Variants in OSBPL8 observed in about 807,000 individuals in gnomAD.
The protein encoded by OSBPL8 is oxysterol binding protein like 8, also known as oxysterol-binding protein-related protein 8.
A neutral mutation model predicts 125.5 loss-of-function variants in OSBPL8; 59 were observed. That is an observed-to-expected ratio of 0.47 (90% CI 0.38 to 0.58). The LOEUF is 0.58. OSBPL8 is among the 20% of genes least tolerant of loss of function. The pLI is 0.00. For synonymous variants in OSBPL8, 330 were observed against 338.9 expected, an observed-to-expected ratio of 0.97 and a Z score of 0.29; for missense variants, 758 against 1,047.8, an observed-to-expected ratio of 0.72 and a Z score of 3.82.
At chr12:76,417,103 C>T (rs1398964213) in intron 4 of OSBPL8, among the ~76,000 whole-genome samples, 1 of 152,206 alleles carries the variant, frequency 6.6e-6, no homozygotes, top group Non-Finnish European at 1.5e-5. Context: ...TTCTTAACTC[C>T]AAAAGACATT....
At chr12:76,544,762 T>C (rs1950738649) in intron 1 of OSBPL8, among the ~76,000 whole-genome samples, 1 of 151,480 alleles carries the variant, frequency 6.6e-6, no homozygotes, top group African/African-American at 2.4e-5. Context: ...AGCTATAGAG[T>C]GAAATAGGCG....
intron 2 of OSBPL8, among the ~76,000 whole-genome samples, chr12:76,462,507 T>C (rs1463605657): frequency 5.9e-5 from 9 of 152,202 alleles, no homozygotes; most frequent in Admixed American, 5.9e-4. Flanking sequence ...ACTTAGTAAC[T>C]ACTGCTGACA....
chr12:76,544,629 G>C (rs1950734882), intron 1 of OSBPL8, among the ~76,000 whole-genome samples: 1 of 152,052 alleles, frequency 6.6e-6, no homozygotes, highest in Non-Finnish European at 1.5e-5. Context: ...ATGCTATAAA[G>C]CAAAAGCACA....
At chr12:76,502,899 T>G (rs1378890126) in intron 1 of OSBPL8, among the ~76,000 whole-genome samples, 1 of 152,270 alleles carries the variant, frequency 6.6e-6, no homozygotes, top group Non-Finnish European at 1.5e-5. Context: ...TACAGTTGTG[T>G]ATCAAATATC....
intron 4 of OSBPL8, among the ~76,000 whole-genome samples, chr12:76,433,858 C>T (rs989018771): frequency 1.3e-5 from 2 of 151,350 alleles, no homozygotes; most frequent in Non-Finnish European, 2.9e-5. Flanking sequence ...CACCTGTAAT[C>T]CAGCTACTCA....
At chr12:76,394,604 A>T in intron 9 of OSBPL8, 41 bp downstream of exon 9, 2 of 1,502,110 alleles carry the variant, frequency 1.3e-6, no homozygotes, top group Non-Finnish European at 1.8e-6. Flanking sequence ...AAACTCTTAA[A>T]AATGAAGACC....
chr12:76,381,923 C>T (rs984651927), intron 15 of OSBPL8, among the ~76,000 whole-genome samples: 1 of 151,962 alleles, frequency 6.6e-6, no homozygotes, highest in Non-Finnish European at 1.5e-5. Context: ...TTAGTAGAGA[C>T]AGGGTTTCAC....
intron 1 of OSBPL8, among the ~76,000 whole-genome samples, chr12:76,491,866 C>A (rs1290326330): frequency 6.6e-6 from 1 of 152,050 alleles, no homozygotes; most frequent in Non-Finnish European, 1.5e-5. Flanking sequence ...ATATTAACAA[C>A]AAAATAACAA....
chr12:76,373,015 T>C (rs1049735078), intron 18 of OSBPL8, among the ~76,000 whole-genome samples: 3 of 152,220 alleles, frequency 2.0e-5, no homozygotes, highest in South Asian at 2.1e-4. Flanking sequence ...TAAACAATAA[T>C]AAAATGGGCA....
chr12:76,476,927 A>G (rs1448712576), intron 2 of OSBPL8, among the ~76,000 whole-genome samples: 1 of 152,252 alleles, frequency 6.6e-6, no homozygotes, highest in Admixed American at 6.5e-5. Flanking sequence ...ACATTCAACA[A>G]ATATCTGTTA....
chr12:76,511,361 C>T (rs1880971940), intron 1 of OSBPL8, among the ~76,000 whole-genome samples: 1 of 152,188 alleles, frequency 6.6e-6, no homozygotes, highest in African/African-American at 2.4e-5. Context: ...TTCCCACCAA[C>T]AGTGTATAAG....
chr12:76,533,676 A>G (rs1488871272), intron 1 of OSBPL8, among the ~76,000 whole-genome samples: 1 of 152,184 alleles, frequency 6.6e-6, no homozygotes, highest in African/African-American at 2.4e-5. Flanking sequence ...CCTCATCTCC[A>G]CCTCATTACC....
chr12:76,513,096 T>C (rs370937108), intron 1 of OSBPL8, among the ~76,000 whole-genome samples: 8 of 152,382 alleles, frequency 5.2e-5, no homozygotes, highest in South Asian at 4.1e-4. Flanking sequence ...TTTCATGTAA[T>C]TGCATGGTTT....
intron 17 of OSBPL8, among the ~76,000 whole-genome samples, chr12:76,374,040 C>T (rs1476564274): frequency 1.3e-5 from 2 of 152,086 alleles, no homozygotes; most frequent in African/African-American, 4.8e-5. Context: ...TTATCATCAC[C>T]ATACAAGGAA....
At chr12:76,365,283 G>A (rs538499153) in intron 21 of OSBPL8, among the ~76,000 whole-genome samples, 17 of 152,172 alleles carry the variant, frequency 1.1e-4, no homozygotes, top group Non-Finnish European at 2.4e-4. Flanking sequence ...GAGAACATGA[G>A]GTGTCTTTCC....
chr12:76,359,096 T>A (rs560145207), intron 21 of OSBPL8, among the ~76,000 whole-genome samples: 1 of 152,308 alleles, frequency 6.6e-6, no homozygotes, highest in South Asian at 2.1e-4. Flanking sequence ...TTAGTTTATA[T>A]CCAGGGATAT....
chr12:76,408,946 T>C (rs1276919387), intron 5 of OSBPL8, among the ~76,000 whole-genome samples: 2 of 152,288 alleles, frequency 1.3e-5, no homozygotes, highest in Non-Finnish European at 2.9e-5. Flanking sequence ...AATACCATTA[T>C]ACCATGTATT....
At chr12:76,553,199 T>TAGA (rs1348866470) in intron 1 of OSBPL8, among the ~76,000 whole-genome samples, 1 of 151,666 alleles carries the variant, frequency 6.6e-6, no homozygotes, top group East Asian at 1.9e-4. Context: ...TATACCAACA[T>TAGA]AGATTCCATA....
chr12:76,446,162 A>G (rs970841807), intron 4 of OSBPL8, among the ~76,000 whole-genome samples: 1 of 152,200 alleles, frequency 6.6e-6, no homozygotes, highest in Non-Finnish European at 1.5e-5. Flanking sequence ...TTTAAATGTT[A>G]TGCACTATAT....
Sources: gnomAD v4.1 joint callset for allele counts (sites outside exome capture counted in the v4.1 genomes callset) on GRCh38, gnomAD v4.1.1 for gene constraint, MANE v1.5 for transcripts, NCBI Gene and HGNC (gene_info 2026-07-23, HGNC 2026-07-21) for gene names.